The following CREG2 variants were observed in gnomAD, a reference collection of about 807,000 sequenced individuals.
The protein encoded by CREG2 is protein CREG2.
CREG2 carries 24 observed loss-of-function variants against 26.2 expected under a neutral mutation model. The observed-to-expected ratio is 0.92, with a 90% CI of 0.66 to 1.29. The LOEUF (loss-of-function observed/expected upper bound fraction) is 1.29, where lower values mean the gene tolerates loss of function less well. CREG2 is among the 50% of genes most tolerant of loss of function. CREG2 has a pLI of 0.00. For missense variants in CREG2, 366 were observed against 398.6 expected, an observed-to-expected ratio of 0.92 and a Z score of 0.70; for synonymous variants, 174 against 169.2, an observed-to-expected ratio of 1.03 and a Z score of -0.22.
Position 101,387,503 on chromosome 2 carries a change from T to G in CREG2, c.-46A>C. 1 of 660,242 alleles carries G rather than the reference T, an allele frequency of 1.5e-6. No individual in the cohort carries two copies. The allele number at this position is 660,242 out of a possible 1,614,324, so 40.9% of individuals were successfully genotyped here. A position where few individuals can be genotyped will look rare whatever the true frequency, so the allele number is the denominator to read the frequency against. On this transcript the variant is annotated 5_prime_UTR_variant, in exon 1 of 4. Coordinates refer to ENST00000324768, the MANE Select transcript of CREG2 (RefSeq NM_153836.4). The surrounding 1 kb of genome is among the most constrained non-coding windows in gnomAD (Gnocchi z 4.7). Reference sequence around the variant, plus strand: ...CCGCCGGGGCCGCCAGCAGCGCTAGTGCCGGGGAGCCCGGCAGCGCCCCAC... The same window carrying G: ...CCGCCGGGGCCGCCAGCAGCGCTAGGGCCGGGGAGCCCGGCAGCGCCCCAC...
At chr2:101,353,799 T>A (rs926176830) in intron 3 of CREG2, among the ~76,000 whole-genome samples, 2 of 152,048 alleles carry the variant, frequency 1.3e-5, no homozygotes, top group African/African-American at 4.8e-5. Context: ...AAAGGATGAG[T>A]TCATGTCCTT....
chr2:101,356,200 C>G lies in CREG2; in HGVS notation c.612-834G>C, dbSNP rs115917776. Among the ~76,000 whole-genome samples the G allele has an allele frequency of 8.0e-3, 1,211 of 152,314 alleles. 10 individuals carry two copies. The highest frequency in any genetic ancestry group is 0.027 in the African/African-American group (1,138 of 41,564). ...CTCCGACTCTCAGTTGCTTCTTCGC[C>G]TCTCGAAGTCCAGCTGCTTTTCCCT... On this transcript the variant is annotated intron_variant, in intron 2 of 3. Coordinates refer to ENST00000324768, the MANE Select transcript of CREG2 (RefSeq NM_153836.4).
chr2:101,363,604 T>C (rs1258010389), intron 2 of CREG2, among the ~76,000 whole-genome samples: 2 of 152,220 alleles, frequency 1.3e-5, no homozygotes, highest in African/African-American at 4.8e-5. Flanking sequence ...ATTACGTTTT[T>C]TGAGGATTTC....
intron 2 of CREG2, among the ~76,000 whole-genome samples, chr2:101,371,945 C>T (rs1032773959): frequency 2.6e-5 from 4 of 151,984 alleles, no homozygotes; most frequent in Admixed American, 6.6e-5. Context: ...GAGATATAGT[C>T]TTAAGATGAG....
intron 2 of CREG2, among the ~76,000 whole-genome samples, chr2:101,360,405 A>C (rs1684521639): frequency 1.3e-5 from 2 of 152,210 alleles, no homozygotes; most frequent in African/African-American, 2.4e-5. Context: ...CATTTTGGTT[A>C]TCAAGAAAAA....
chr2:101,385,567 C>T (rs1684957229), intron 1 of CREG2, among the ~76,000 whole-genome samples: 1 of 152,170 alleles, frequency 6.6e-6, no homozygotes. Context: ...ACAAAGTGCA[C>T]CTTGTTGTTA....
chr2:101,384,811 T>A (rs1040976402), intron 1 of CREG2, among the ~76,000 whole-genome samples: 1 of 152,276 alleles, frequency 6.6e-6, no homozygotes, highest in African/African-American at 2.4e-5. Flanking sequence ...CAGTGAGCTA[T>A]GATCACACCA....
intron 2 of CREG2, chr2:101,382,484 T>C (rs1057217312): frequency 2.4e-5 from 24 of 981,658 alleles, no homozygotes; most frequent in Non-Finnish European, 2.9e-5. Flanking sequence ...AATGTACTTC[T>C]AGTAACAGTA....
At position 101,347,062 on chromosome 2, in the gene CREG2, G is replaced by A. The variant is rs993355300; in HGVS notation, c.*3861C>T. On this transcript the variant is annotated 3_prime_UTR_variant, in exon 4 of 4. Coordinates refer to ENST00000324768, the MANE Select transcript of CREG2 (RefSeq NM_153836.4). ...TTGCATTTCAAAATGTTATGTAAAT[G>A]GAATCATACAGTGTGCAAACTTTTA... 2 of 152,150 alleles carry A rather than the reference G, an allele frequency of 1.3e-5. No individual in the cohort carries two copies. The highest frequency in any genetic ancestry group is 2.4e-5 in the African/African-American group (1 of 41,412). 9.4% of individuals were successfully genotyped at this position (152,150 alleles called of 1,614,324 possible).
Position 101,350,655 on chromosome 2 carries a change from T to C in CREG2, c.*268A>G, listed in dbSNP as rs1216222217. ...GTCATTTTGACCACCAGCTATTATATGATTTCTGAATCGATGAGTCTGGAT... is the reference window on the plus strand; with the variant it reads ...GTCATTTTGACCACCAGCTATTATACGATTTCTGAATCGATGAGTCTGGAT... On this transcript the variant is annotated 3_prime_UTR_variant, in exon 4 of 4. Coordinates refer to ENST00000324768, the MANE Select transcript of CREG2 (RefSeq NM_153836.4). 6.1e-6 allele frequency: 2 copies of C among 329,472 alleles called. No individual in the cohort carries two copies. Among genetic ancestry groups the C allele is most frequent in the Non-Finnish European group, 1.1e-5 (2 of 181,998 alleles). The allele number at this position is 329,472 out of a possible 1,614,324, so 20.4% of individuals were successfully genotyped here. A position where few individuals can be genotyped will look rare whatever the true frequency, so the allele number is the denominator to read the frequency against.
At position 101,347,051 on chromosome 2, in the gene CREG2, G is replaced by A. The variant is rs2104465584; in HGVS notation, c.*3872C>T. ...TTCCTATAATTTTGCATTTCAAAAT[G>A]TTATGTAAATGGAATCATACAGTGT... On this transcript the variant is annotated 3_prime_UTR_variant, in exon 4 of 4. Coordinates refer to ENST00000324768, the MANE Select transcript of CREG2 (RefSeq NM_153836.4). 1 of 152,234 alleles carries A rather than the reference G, an allele frequency of 6.6e-6. No individual in the cohort carries two copies. Among genetic ancestry groups the A allele is most frequent in the African/African-American group, 2.4e-5 (1 of 41,538 alleles). 9.4% of individuals were successfully genotyped at this position (152,234 alleles called of 1,614,324 possible). A position where few individuals can be genotyped will look rare whatever the true frequency, so the allele number is the denominator to read the frequency against.
intron 3 of CREG2, among the ~76,000 whole-genome samples, chr2:101,354,844 C>T (rs138873774): frequency 2.0e-5 from 3 of 152,172 alleles, no homozygotes; most frequent in African/African-American, 7.2e-5. Flanking sequence ...CATAAAGCTG[C>T]GTCTAAGTCA....
At chr2:101,367,972 C>T (rs887699460) in intron 2 of CREG2, among the ~76,000 whole-genome samples, 2 of 152,230 alleles carry the variant, frequency 1.3e-5, no homozygotes, top group African/African-American at 4.8e-5. Context: ...TCATTTCAGA[C>T]TTCTGCCCTC....
At chr2:101,374,117 G>A (rs1404735146) in intron 2 of CREG2, among the ~76,000 whole-genome samples, 1 of 152,164 alleles carries the variant, frequency 6.6e-6, no homozygotes, top group Non-Finnish European at 1.5e-5. Flanking sequence ...CTATCCGCCA[G>A]GTGTGGTGAC....
intron 3 of CREG2, among the ~76,000 whole-genome samples, chr2:101,354,632 A>AC (rs1402459707): frequency 6.6e-6 from 1 of 151,948 alleles, no homozygotes; most frequent in African/African-American, 2.4e-5. Context: ...TGGAAAGGCC[A>AC]CCCCCGCGTG....
intron 2 of CREG2, among the ~76,000 whole-genome samples, chr2:101,380,298 G>C (rs1684852791): frequency 6.6e-6 from 1 of 152,148 alleles, no homozygotes; most frequent in African/African-American, 2.4e-5. Flanking sequence ...TCTTGCTCCC[G>C]GGCTGTATCC....
chr2:101,349,064 A>G lies in CREG2; in HGVS notation c.*1859T>C, dbSNP rs1350231012. The G allele has an allele frequency of 6.5e-6, 1 of 152,678 alleles. No homozygotes were observed. The highest frequency in any genetic ancestry group is 1.5e-5 in the Non-Finnish European group (1 of 68,050). 9.5% of individuals were successfully genotyped at this position (152,678 alleles called of 1,614,324 possible). Reference sequence around the variant, plus strand: ...TTAATGAGCTAAATGGAACCTGACTATAAACGCAAACCTAGCCAGGGGACC... The same window carrying G: ...TTAATGAGCTAAATGGAACCTGACTGTAAACGCAAACCTAGCCAGGGGACC... On this transcript the variant is annotated 3_prime_UTR_variant, in exon 4 of 4. Transcript: ENST00000324768.
rs1396547413 is a variant in CREG2, at chr2:101,387,334, C to T, written c.124G>A (p.Val42Ile). Reference sequence around the variant, plus strand: ...AGCTCCTCGTCCACCTCGTTGGTGACGGCCCAAGACACGGAGCTCACGATC... The same window carrying T: ...AGCTCCTCGTCCACCTCGTTGGTGATGGCCCAAGACACGGAGCTCACGATC... ...YVIVSSVSWA[V>I]TNEVDEELDS... Residue 42 changes from valine to isoleucine, a missense_variant, in exon 1 of 4, where the codon GTC becomes ATC. Around this residue, in one of 3 missense-constraint regions of CREG2, gnomAD observed 177 missense variants for 183.3 expected, o/e 0.97. Coordinates refer to ENST00000324768, the MANE Select transcript of CREG2 (RefSeq NM_153836.4). The surrounding 1 kb of genome is among the most constrained non-coding windows in gnomAD (Gnocchi z 4.7). The T allele has an allele frequency of 6.7e-7, 1 of 1,488,690 alleles. No individual in the cohort carries two copies. The highest frequency in any genetic ancestry group is 9.0e-7 in the Non-Finnish European group (1 of 1,112,100). 92.2% of individuals were successfully genotyped at this position (1,488,690 alleles called of 1,614,324 possible). A position where few individuals can be genotyped will look rare whatever the true frequency, so the allele number is the denominator to read the frequency against.
intron 2 of CREG2, among the ~76,000 whole-genome samples, chr2:101,377,693 A>T (rs1367636067): frequency 6.6e-6 from 1 of 152,172 alleles, no homozygotes; most frequent in African/African-American, 2.4e-5. Flanking sequence ...TCCATTTGCC[A>T]TTTTAACCTG....
Sources: allele counts gnomAD v4.1 joint callset (sites outside exome capture counted in the v4.1 genomes callset), GRCh38; gene constraint gnomAD v4.1.1; regional missense constraint gnomAD v4.1.1; non-coding constraint Gnocchi (gnomAD v3.1); transcripts MANE v1.5; gene names NCBI Gene and HGNC (gene_info 2026-07-23, HGNC 2026-07-21).